The following KDM7A variants were observed in gnomAD, a reference collection of about 807,000 sequenced individuals.
The protein encoded by KDM7A is lysine demethylase 7A.
In KDM7A, 28 loss-of-function variants were observed where a neutral mutation model predicts 114.8. The ratio of observed to expected loss-of-function variants is 0.24; its 90% CI spans 0.18 to 0.33. The LOEUF is 0.33. KDM7A is among the 10% of genes least tolerant of loss of function. The probability of loss-of-function intolerance (pLI) is 1.00; values close to 1 mark genes in which losing one functional copy is unlikely to be tolerated. For missense variants in KDM7A, 942 were observed against 1,142.5 expected (o/e 0.82, Z 2.53); for synonymous variants, 423 against 397.8 (o/e 1.06, Z -0.75).
In KDM7A at chr7:140,087,523, C is replaced by T. The variant is rs1817947268; in HGVS notation, c.*3571G>A. ...TCATTTAAAAATATATATAAAGGTG[C>T]ATTAATTGCCAGTTTTAACTTAATG... On this transcript the variant is annotated 3_prime_UTR_variant, in exon 20 of 20. Transcript: ENST00000397560. 6.6e-6 allele frequency: 1 copy of T among 152,096 alleles called. No homozygotes were observed. Among genetic ancestry groups the T allele is most frequent in the Admixed American group, 6.5e-5 (1 of 15,272 alleles). The allele number at this position is 152,096 out of a possible 1,614,324, so 9.4% of individuals were successfully genotyped here.
At chr7:140,155,661 G>GA (rs1794450289) in intron 1 of KDM7A, among the ~76,000 whole-genome samples, 1 of 152,088 alleles carries the variant, frequency 6.6e-6, no homozygotes, top group Admixed American at 6.6e-5. Context: ...CAGGCAACAG[G>GA]AAAAAAGAAT....
intron 1 of KDM7A, among the ~76,000 whole-genome samples, chr7:140,148,912 A>C (rs1283646087): frequency 1.3e-5 from 2 of 152,200 alleles, no homozygotes; most frequent in Non-Finnish European, 2.9e-5. Flanking sequence ...AAAGCTGTTT[A>C]GTGGCATACT....
At chr7:140,173,798 T>C (rs575686621) in intron 1 of KDM7A, among the ~76,000 whole-genome samples, 13 of 152,314 alleles carry the variant, frequency 8.5e-5, no homozygotes, top group Admixed American at 5.2e-4. Flanking sequence ...TCACTCATTT[T>C]ATGGTACAGT....
rs756783616 is a variant in KDM7A at position 140,126,733 on chromosome 7, T to C, written c.792A>G (p.Pro264=). 3 of 1,614,034 alleles carry C rather than the reference T, an allele frequency of 1.9e-6. No homozygotes were observed. The highest frequency in any genetic ancestry group is 2.2e-5 in the South Asian group (2 of 91,084). The change falls in exon 6 of 20, where the codon CCA becomes CCG. Residue 264 remains proline, a synonymous_variant. Transcript: ENST00000397560. The stretch of plus-strand genomic sequence containing the variant: ...CCATTAAGCAATATTTCTGAACAAA[T>C]GGCTTGGGAAAGACTGAATCATCTG... ...YWPDDSVFPK[P]FVQKYCLMGV...
chr7:140,130,090 A>G, intron 3 of KDM7A, among the ~76,000 whole-genome samples: 1 of 150,506 alleles, frequency 6.6e-6, no homozygotes, highest in East Asian at 1.9e-4. Context: ...ATTCCAAAAG[A>G]AAAAAAAAAT....
chr7:140,135,905 GA>G (rs61148786), intron 2 of KDM7A, among the ~76,000 whole-genome samples: 51,726 of 133,790 alleles, frequency 0.39, 9,284 homozygotes, highest in Admixed American at 0.5. Context: ...GTACTTAAAA[GA>G]AAAAAAAAAA....
At chr7:140,140,541 C>G (rs189657398) in intron 1 of KDM7A, among the ~76,000 whole-genome samples, 1 of 152,002 alleles carries the variant, frequency 6.6e-6, no homozygotes, top group South Asian at 2.1e-4. Flanking sequence ...TTTGGGAGGC[C>G]GAGGCGGGTG....
chr7:140,175,282 T>C (rs1160482652), intron 1 of KDM7A, among the ~76,000 whole-genome samples: 1 of 152,202 alleles, frequency 6.6e-6, no homozygotes, highest in Non-Finnish European at 1.5e-5. Context: ...AAGAACATTG[T>C]GATTTACATG....
intron 1 of KDM7A, among the ~76,000 whole-genome samples, chr7:140,146,510 T>C (rs78252333): frequency 0.059 from 9,054 of 152,284 alleles, 338 homozygotes; most frequent in East Asian, 0.13. Flanking sequence ...TTTCTAAGGA[T>C]CACTTTCAAA....
At chr7:140,171,105 T>G (rs1794633596) in intron 1 of KDM7A, among the ~76,000 whole-genome samples, 1 of 151,892 alleles carries the variant, frequency 6.6e-6, no homozygotes, top group Non-Finnish European at 1.5e-5. Flanking sequence ...AAGACTTCAG[T>G]GCACATGCAG....
Position 140,090,858 on chromosome 7 carries a change from T to G in KDM7A, c.*236A>C. ...GCCCTGACAAGAGACCCTTTCCAGT[T>G]CAAGGTCTCTTTTTAAGGTTCTACC... On this transcript the variant is annotated 3_prime_UTR_variant, in exon 20 of 20. Coordinates refer to ENST00000397560, the MANE Select transcript of KDM7A (RefSeq NM_030647.2). 1 of 466,766 alleles carries G rather than the reference T, an allele frequency of 2.1e-6. No individual in the cohort carries two copies. 28.9% of individuals were successfully genotyped at this position (466,766 alleles called of 1,614,324 possible). A position where few individuals can be genotyped will look rare whatever the true frequency, so the allele number is the denominator to read the frequency against.
intron 14 of KDM7A, among the ~76,000 whole-genome samples, chr7:140,098,432 A>T (rs1239506166): frequency 6.6e-6 from 1 of 152,266 alleles, no homozygotes; most frequent in Non-Finnish European, 1.5e-5. Flanking sequence ...CTTCTTGTCA[A>T]CAGGTAATCA....
At chr7:140,101,392 C>T (rs1266480049) in intron 12 of KDM7A, among the ~76,000 whole-genome samples, 3 of 152,190 alleles carry the variant, frequency 2.0e-5, no homozygotes, top group Non-Finnish European at 4.4e-5. Flanking sequence ...GCTCTTCCCT[C>T]TGCCTGTAAT....
chr7:140,100,687 TACATATATATATATATATATACAC>T (rs1328356306), intron 12 of KDM7A, among the ~76,000 whole-genome samples: 15 of 40,904 alleles, frequency 3.7e-4, no homozygotes, highest in Admixed American at 2.0e-3. Context: ...TATACATATA[TACATATATATATATATATATACAC>T]ATATATATAT....
chr7:140,152,781 G>A (rs1794415526), intron 1 of KDM7A, among the ~76,000 whole-genome samples: 1 of 152,184 alleles, frequency 6.6e-6, no homozygotes. Flanking sequence ...TACATAAAGT[G>A]TAAGAAGGAT....
At chr7:140,143,725 C>A (rs62491422) in intron 1 of KDM7A, among the ~76,000 whole-genome samples, 50 of 152,258 alleles carry the variant, frequency 3.3e-4, no homozygotes, top group Non-Finnish European at 6.2e-4. Context: ...TTGAGTAGAG[C>A]TTGCTGCAAT....
At position 140,108,299 on chromosome 7, in the gene KDM7A, C is replaced by T. The variant is rs539469678; in HGVS notation, c.1428+2796G>A. Among the ~76,000 whole-genome samples the T allele has an allele frequency of 9.2e-5, 14 of 152,304 alleles. No homozygotes were observed. The South Asian group carries it at 2.7e-3, about 29-fold the overall frequency. On this transcript the variant is annotated intron_variant, in intron 11 of 19. Transcript: ENST00000397560. ...CTGTCAACTTGTCAAAGTCATTCTC[C>T]GTCCAGCTTCGTTCCGTTGCTGACG...
intron 1 of KDM7A, among the ~76,000 whole-genome samples, chr7:140,142,019 T>C (rs956452606): frequency 2.9e-5 from 4 of 136,106 alleles, no homozygotes; most frequent in Non-Finnish European, 5.0e-5. Context: ...ATATATAATA[T>C]ATATTTATAT....
intron 12 of KDM7A, 33 bp from the exon 13 acceptor site, chr7:140,100,056 C>G (rs371084439): frequency 1.2e-6 from 2 of 1,612,758 alleles, no homozygotes; most frequent in Non-Finnish European, 1.7e-6. Context: ...TACTTACCAT[C>G]CACCCTCAGG....
Sources: allele counts gnomAD v4.1 joint callset (sites outside exome capture counted in the v4.1 genomes callset), GRCh38; gene constraint gnomAD v4.1.1; transcripts MANE v1.5; gene names NCBI Gene and HGNC (gene_info 2026-07-23, HGNC 2026-07-21).